The following ZC3H8 variants were observed in gnomAD, a reference collection of about 807,000 sequenced individuals.
ZC3H8 encodes zinc finger CCCH domain-containing protein 8.
A neutral mutation model predicts 42.5 loss-of-function variants in ZC3H8; 27 were observed. That is an observed-to-expected ratio of 0.64 (90% CI 0.47 to 0.88). The LOEUF is 0.88. ZC3H8 is among the 40% of genes least tolerant of loss of function. ZC3H8 has a pLI of 0.00. For synonymous variants in ZC3H8, 101 were observed against 110.1 expected (o/e 0.92, Z 0.52); for missense variants, 277 against 336.1 (o/e 0.82, Z 1.37).
chr2:112,218,501 C>CACAA (rs747908691), intron 8 of ZC3H8, among the ~76,000 whole-genome samples: 1 of 152,306 alleles, frequency 6.6e-6, no homozygotes, highest in African/African-American at 2.4e-5. Context: ...TATTTCTACA[C>CACAA]ACAAACAATG....
At chr2:112,226,694 C>T (rs578145239) in intron 8 of ZC3H8, among the ~76,000 whole-genome samples, 32 of 150,484 alleles carry the variant, frequency 2.1e-4, no homozygotes, top group African/African-American at 7.9e-4. Flanking sequence ...GAAGCTGGAA[C>T]ACCTTTCAAC....
intron 8 of ZC3H8, among the ~76,000 whole-genome samples, chr2:112,223,631 T>A (rs1684692085): frequency 6.6e-6 from 1 of 152,144 alleles, no homozygotes; most frequent in African/African-American, 2.4e-5. Flanking sequence ...TAGGTTTAGA[T>A]GTGCTGAGAA....
At position 112,230,964 on chromosome 2, in the gene ZC3H8, A is replaced by G; in HGVS notation, c.844-14T>C. ...AGTATCCAAAACCTAATATAAAAAAAAAATCACATAATCATTTTTATGCAT... is the reference window on the plus strand; with the variant it reads ...AGTATCCAAAACCTAATATAAAAAAGAAATCACATAATCATTTTTATGCAT... On this transcript the variant is annotated splice_polypyrimidine_tract_variant and intron_variant, in intron 7 of 8. Coordinates refer to ENST00000409573, the MANE Select transcript of ZC3H8 (RefSeq NM_032494.3). 1 of 1,232,462 alleles carries G rather than the reference A, an allele frequency of 8.1e-7. No homozygotes were observed. Among genetic ancestry groups the G allele is most frequent in the Non-Finnish European group, 1.1e-6 (1 of 935,184 alleles). 76.3% of individuals were successfully genotyped at this position (1,232,462 alleles called of 1,614,324 possible). A position where few individuals can be genotyped will look rare whatever the true frequency, so the allele number is the denominator to read the frequency against.
intron 4 of ZC3H8, among the ~76,000 whole-genome samples, chr2:112,234,825 G>T (rs1390828450): frequency 6.6e-6 from 1 of 151,938 alleles, no homozygotes; most frequent in Non-Finnish European, 1.5e-5. Flanking sequence ...AAAATTAAAT[G>T]AAAGTGATAG....
chr2:112,238,931 TA>T (rs1191551003), intron 2 of ZC3H8, among the ~76,000 whole-genome samples: 1 of 152,264 alleles, frequency 6.6e-6, no homozygotes, highest in Non-Finnish European at 1.5e-5. Flanking sequence ...ATGTCTTCAA[TA>T]ATTTATCATT....
chr2:112,228,023 G>A (rs1038664407), intron 8 of ZC3H8, among the ~76,000 whole-genome samples: 3 of 152,296 alleles, frequency 2.0e-5, no homozygotes, highest in South Asian at 2.1e-4. Flanking sequence ...GACAGCTTAC[G>A]CTTCCTTATT....
At position 112,231,929 on chromosome 2, in the gene ZC3H8, A is replaced by G. The variant is rs774812862; in HGVS notation, c.752T>C (p.Phe251Ser). The G allele has an allele frequency of 3.4e-5, 54 of 1,574,216 alleles. No individual in the cohort carries two copies. The highest frequency in any genetic ancestry group is 4.6e-5 in the Non-Finnish European group (53 of 1,154,022). ...ATAACATTTTGTTCCTGTATGGTAAAACTTACAAGGATATTCATGTAACCC... is the reference window on the plus strand; with the variant it reads ...ATAACATTTTGTTCCTGTATGGTAAGACTTACAAGGATATTCATGTAACCC... ...LYLHNEYPCK[F>S]YHTGTKCYQG... Residue 251 changes from phenylalanine to serine, a missense_variant, in exon 7 of 9, where the codon TTT (phenylalanine) becomes TCT (serine). Phe to Ser is a radical substitution (Grantham distance 155, BLOSUM62 -2). Transcript: ENST00000409573.
At position 112,216,415 on chromosome 2, in the gene ZC3H8, A is replaced by C. The variant is rs1342244115; in HGVS notation, c.*69T>G. The C allele has an allele frequency of 6.6e-6, 1 of 152,282 alleles. No individual in the cohort carries two copies. Among genetic ancestry groups the C allele is most frequent in the Admixed American group, 6.5e-5 (1 of 15,280 alleles). 9.4% of individuals were successfully genotyped at this position (152,282 alleles called of 1,614,324 possible). A position where few individuals can be genotyped will look rare whatever the true frequency, so the allele number is the denominator to read the frequency against. On this transcript the variant is annotated 3_prime_UTR_variant, in exon 9 of 9. Coordinates refer to ENST00000409573, the MANE Select transcript of ZC3H8 (RefSeq NM_032494.3). ...AAACTACTCCAAATCACCAGTCTTG[A>C]ACAGTCTTGAACACGCATGGGCGTT...
chr2:112,249,618 T>G (rs1685876973), intron 2 of ZC3H8, among the ~76,000 whole-genome samples: 1 of 152,140 alleles, frequency 6.6e-6, no homozygotes, highest in African/African-American at 2.4e-5. Flanking sequence ...TAAATTTTTT[T>G]GTATTTTTAG....
intron 7 of ZC3H8, 42 bp downstream of exon 7, chr2:112,231,796 T>A: frequency 7.5e-7 from 1 of 1,332,836 alleles, no homozygotes; most frequent in Non-Finnish European, 1.0e-6. Context: ...AACATATTCC[T>A]TAAAAAAGAA....
intron 8 of ZC3H8, among the ~76,000 whole-genome samples, chr2:112,216,670 A>G (rs1034511336): frequency 1.3e-5 from 2 of 148,486 alleles, no homozygotes; most frequent in African/African-American, 5.0e-5. Flanking sequence ...AAAAACTAAG[A>G]TTAGAACTGA....
rs1398517551 is a variant in ZC3H8, at chr2:112,214,495, T to C, written c.*1989A>G. Reference sequence around the variant, plus strand: ...GGTTTTATTATATATATATTATATATGCTTGGAGCTGCATCAAGGGTCAGT... The same window carrying C: ...GGTTTTATTATATATATATTATATACGCTTGGAGCTGCATCAAGGGTCAGT... On this transcript the variant is annotated 3_prime_UTR_variant, in exon 9 of 9. Transcript: ENST00000409573. 1 of 152,168 alleles carries C rather than the reference T, an allele frequency of 6.6e-6. No homozygotes were observed. Among genetic ancestry groups the C allele is most frequent in the Non-Finnish European group, 1.5e-5 (1 of 68,040 alleles). The allele number at this position is 152,168 out of a possible 1,614,324, so 9.4% of individuals were successfully genotyped here. A position where few individuals can be genotyped will look rare whatever the true frequency, so the allele number is the denominator to read the frequency against.
intron 4 of ZC3H8, among the ~76,000 whole-genome samples, chr2:112,235,843 A>G (rs1470805780): frequency 2.0e-5 from 3 of 151,966 alleles, no homozygotes; most frequent in Admixed American, 2.0e-4. Flanking sequence ...AGTAGTAAAA[A>G]ATTTGTAAGA....
chr2:112,229,167 A>G (rs1472832886), intron 8 of ZC3H8, among the ~76,000 whole-genome samples: 1 of 152,166 alleles, frequency 6.6e-6, no homozygotes, highest in Non-Finnish European at 1.5e-5. Context: ...ATATACCAAA[A>G]GGGGTATTAC....
intron 2 of ZC3H8, 190 bp from the exon 3 acceptor site, chr2:112,238,718 C>T: frequency 2.3e-6 from 1 of 435,536 alleles, no homozygotes; most frequent in Non-Finnish European, 4.0e-6. Context: ...GAAAAAATTT[C>T]CAGAATTAAA....
intron 8 of ZC3H8, among the ~76,000 whole-genome samples, chr2:112,229,314 C>A (rs147152406): frequency 1.2e-3 from 188 of 152,234 alleles, no homozygotes; most frequent in Admixed American, 1.8e-3. Flanking sequence ...TTAAAAAAGT[C>A]TATTAGTATT....
chr2:112,233,746 G>A (rs1685193719), intron 5 of ZC3H8, among the ~76,000 whole-genome samples: 1 of 152,102 alleles, frequency 6.6e-6, no homozygotes, highest in South Asian at 2.1e-4. Context: ...GCTAGCGTCT[G>A]TAGTCCCAGC....
intron 6 of ZC3H8, among the ~76,000 whole-genome samples, 190 bp downstream of exon 6, chr2:112,233,070 A>AT (rs1304857847): frequency 6.6e-6 from 1 of 152,128 alleles, no homozygotes; most frequent in African/African-American, 2.4e-5. Flanking sequence ...CATTTGAGAG[A>AT]TTTTCTAAAG....
chr2:112,234,097 T>C, intron 5 of ZC3H8, 23 bp downstream of exon 5: 3 of 1,357,932 alleles, frequency 2.2e-6, no homozygotes, highest in Non-Finnish European at 3.0e-6. Flanking sequence ...TTTTAGTAGA[T>C]TTTTGCTTAC....
Sources: gnomAD v4.1 joint callset for allele counts (sites outside exome capture counted in the v4.1 genomes callset) on GRCh38, gnomAD v4.1.1 for gene constraint, MANE v1.5 for transcripts, NCBI Gene and HGNC (gene_info 2026-07-23, HGNC 2026-07-21) for gene names.